The following BTN1A1 variants were observed in gnomAD, a reference collection of about 807,000 sequenced individuals.
BTN1A1 encodes bK14H9.2 (butyrophilin, subfamily 1, member A1).
In BTN1A1, 26 loss-of-function variants were observed where a neutral mutation model predicts 33.1. That is an observed-to-expected ratio of 0.79 (90% CI 0.58 to 1.09). The LOEUF is 1.09. Ranked by LOEUF, BTN1A1 falls within the 50% of genes least tolerant of loss-of-function variation. BTN1A1 has a pLI of 0.00. For synonymous variants in BTN1A1, 235 were observed against 256.2 expected (o/e 0.92, Z 0.79); for missense variants, 558 against 655.7 (o/e 0.85, Z 1.63).
chr6:26,509,261 C>T lies in BTN1A1; in HGVS notation c.*87C>T. Reference sequence around the variant, plus strand: ...GCTTCACCTGCTAGCTTTACCCAGTCTGTTTCTTCCTGTTGGGTGGCAATT... The same window carrying T: ...GCTTCACCTGCTAGCTTTACCCAGTTTGTTTCTTCCTGTTGGGTGGCAATT... On this transcript the variant is annotated 3_prime_UTR_variant, in exon 8 of 8. Coordinates refer to ENST00000684113, the MANE Select transcript of BTN1A1 (RefSeq NM_001732.3). 8.2e-7 allele frequency: 1 copy of T among 1,222,530 alleles called. No individual in the cohort carries two copies. Among genetic ancestry groups the T allele is most frequent in the South Asian group, 1.5e-5 (1 of 68,392 alleles). 75.7% of individuals were successfully genotyped at this position (1,222,530 alleles called of 1,614,324 possible).
chr6:26,504,125 A>T (rs1374902582), intron 3 of BTN1A1, among the ~76,000 whole-genome samples: 1 of 152,206 alleles, frequency 6.6e-6, no homozygotes, highest in Non-Finnish European at 1.5e-5. Flanking sequence ...GGGAATATGA[A>T]GTTGAGACCA....
chr6:26,507,989 T>G lies in BTN1A1; in HGVS notation c.880+19T>G. 6.2e-7 allele frequency: 1 copy of G among 1,613,980 alleles called. No individual in the cohort carries two copies. The highest frequency in any genetic ancestry group is 8.5e-7 in the Non-Finnish European group (1 of 1,179,928). ...GAACTCAGTAAGTTCTGTCTTCTTG[T>G]TATTTCACCCACAGAGTTTTCTCTC... On this transcript the variant is annotated intron_variant, in intron 6 of 7. Coordinates refer to ENST00000684113, the MANE Select transcript of BTN1A1 (RefSeq NM_001732.3).
At chr6:26,506,451 C>T (rs1763871061) in intron 4 of BTN1A1, among the ~76,000 whole-genome samples, 2 of 152,122 alleles carry the variant, frequency 1.3e-5, no homozygotes, top group Non-Finnish European at 2.9e-5. Flanking sequence ...TATTATTTCA[C>T]AGGTCCTGTC....
At position 26,501,181 on chromosome 6, in the gene BTN1A1, C is replaced by A. The variant is rs1763793075; in HGVS notation, c.-57-49C>A. On this transcript the variant is annotated intron_variant, in intron 1 of 7. Transcript: ENST00000684113. The surrounding 1 kb of genome is among the most constrained non-coding windows in gnomAD (Gnocchi z 5.2). ...GAACTGTAGAGAGGACTTTGGAAAG[C>A]GGAGGGTTGACAGAGCCGGTAGTTG... 3 of 948,574 alleles carry A rather than the reference C, an allele frequency of 3.2e-6. No homozygotes were observed. The highest frequency in any genetic ancestry group is 5.1e-6 in the Non-Finnish European group (3 of 586,210). The allele number at this position is 948,574 out of a possible 1,614,324, so 58.8% of individuals were successfully genotyped here. A position where few individuals can be genotyped will look rare whatever the true frequency, so the allele number is the denominator to read the frequency against.
intron 5 of BTN1A1, 90 bp downstream of exon 5, chr6:26,506,922 G>A: frequency 1.4e-6 from 2 of 1,476,750 alleles, no homozygotes; most frequent in Non-Finnish European, 1.9e-6. Context: ...ATTTTAGGAT[G>A]ACAGGAAGAT....
chr6:26,501,508 T>A lies in BTN1A1; in HGVS notation c.80-82T>A. The A allele has an allele frequency of 6.3e-7, 1 of 1,590,180 alleles. No individual in the cohort carries two copies. The highest frequency in any genetic ancestry group is 1.7e-5 in the Admixed American group (1 of 58,842). On this transcript the variant is annotated intron_variant, in intron 2 of 7. Coordinates refer to ENST00000684113, the MANE Select transcript of BTN1A1 (RefSeq NM_001732.3). The surrounding 1 kb of genome is among the most constrained non-coding windows in gnomAD (Gnocchi z 5.2). ...AAAGGAGTAAGAGAGCGCGGGGCACTGCGCTTTGGCGGGAATCTGGTCGGT... is the reference window on the plus strand; with the variant it reads ...AAAGGAGTAAGAGAGCGCGGGGCACAGCGCTTTGGCGGGAATCTGGTCGGT...
rs764761095 is a variant in BTN1A1 at position 26,508,845 on chromosome 6, C to G, written c.1252C>G (p.Pro418Ala). ...PLRTPLPLAG[P>A]PRRVGIFLDY... The stretch of plus-strand genomic sequence containing the variant: ...CCGGACCCCTCTCCCATTGGCAGGG[C>G]CCCCACGCCGGGTTGGGATTTTCCT... The change falls in exon 8 of 8, where the codon CCC (proline) becomes GCC (alanine). Residue 418 changes from proline (P) to alanine (A), a missense_variant. By Grantham distance (27) the Pro-to-Ala change is conservative. Coordinates refer to ENST00000684113, the MANE Select transcript of BTN1A1 (RefSeq NM_001732.3). The G allele has an allele frequency of 6.2e-7, 1 of 1,614,018 alleles. No homozygotes were observed. Among genetic ancestry groups the G allele is most frequent in the African/African-American group, 1.3e-5 (1 of 74,910 alleles).
intron 3 of BTN1A1, 65 bp downstream of exon 3, chr6:26,502,002 G>A (rs1461739141): frequency 1.5e-5 from 22 of 1,486,528 alleles, no homozygotes; most frequent in Non-Finnish European, 2.0e-5. Flanking sequence ...GTATGGATCA[G>A]TTACTTTGGA....
At chr6:26,507,019 G>A (rs1327958846) in intron 5 of BTN1A1, among the ~76,000 whole-genome samples, 187 bp downstream of exon 5, 3 of 152,124 alleles carry the variant, frequency 2.0e-5, no homozygotes, top group African/African-American at 4.8e-5. Flanking sequence ...TCAGGAGTTC[G>A]AGATCAGCCC....
At chr6:26,500,524 T>C (rs573571568) in intron 1 of BTN1A1, among the ~76,000 whole-genome samples, 166 bp downstream of exon 1, 3 of 152,308 alleles carry the variant, frequency 2.0e-5, no homozygotes, top group Admixed American at 6.5e-5. Flanking sequence ...CTCCCATCTT[T>C]TCTCTCTTCT....
Position 26,507,236 on chromosome 6 carries a change from T to C in BTN1A1, c.859+404T>C, listed in dbSNP as rs192007578. Among the ~76,000 whole-genome samples the C allele has an allele frequency of 4.1e-3, 627 of 152,134 alleles. 2 individuals carry two copies. Among genetic ancestry groups the C allele is most frequent in the Non-Finnish European group, 6.9e-3 (466 of 67,992 alleles). ...ACTCCGTCTCAAAAAAAGTAGAAGA[T>C]ACTTGATTCTAGAATTCTGAAAATT... On this transcript the variant is annotated intron_variant, in intron 5 of 7. Coordinates refer to ENST00000684113, the MANE Select transcript of BTN1A1 (RefSeq NM_001732.3).
chr6:26,504,925 C>G lies in BTN1A1; in HGVS notation c.428C>G (p.Ala143Gly). 1 of 1,613,900 alleles carries G rather than the reference C, an allele frequency of 6.2e-7. No individual in the cohort carries two copies. The highest frequency in any genetic ancestry group is 8.5e-7 in the Non-Finnish European group (1 of 1,179,846). ...EEALVHLKVA[A>G]LGSDPHISMQ... ...TTAAGTCCAGATTCTCTCTCCATAG[C>G]TCTGGGCTCTGACCCTCACATCAGT... The change falls in exon 4 of 8, where the codon GCT becomes GGT. Residue 143 changes from alanine to glycine, a missense_variant and splice_region_variant. Transcript: ENST00000684113.
chr6:26,501,525 C>G lies in BTN1A1; in HGVS notation c.80-65C>G, dbSNP rs1763797846. On this transcript the variant is annotated intron_variant, in intron 2 of 7. Coordinates refer to ENST00000684113, the MANE Select transcript of BTN1A1 (RefSeq NM_001732.3). The surrounding 1 kb of genome is among the most constrained non-coding windows in gnomAD (Gnocchi z 5.2). ...CGGGGCACTGCGCTTTGGCGGGAAT[C>G]TGGTCGGTGTCTGTCCGTAGTTCCC... 1.3e-6 allele frequency: 2 copies of G among 1,598,250 alleles called. No homozygotes were observed. Among genetic ancestry groups the G allele is most frequent in the African/African-American group, 2.7e-5 (2 of 74,660 alleles).
chr6:26,507,458 C>G (rs576701357), intron 5 of BTN1A1, among the ~76,000 whole-genome samples: 5 of 152,096 alleles, frequency 3.3e-5, no homozygotes, highest in Non-Finnish European at 7.4e-5. Flanking sequence ...CGCAGTGGCT[C>G]ATGCCCGTAG....
chr6:26,501,967 C>G lies in BTN1A1; in HGVS notation c.427+30C>G. 6 of 1,530,394 alleles carry G rather than the reference C, an allele frequency of 3.9e-6. No homozygotes were observed. The highest frequency in any genetic ancestry group is 5.3e-6 in the Non-Finnish European group (6 of 1,139,316). The allele number at this position is 1,530,394 out of a possible 1,614,324, so 94.8% of individuals were successfully genotyped here. ...GTAGACGGGTTTTGACTTTCTCCGA[C>G]GACTCCCCTGCTGTATACACTTTCG... On this transcript the variant is annotated intron_variant, in intron 3 of 7. Coordinates refer to ENST00000684113, the MANE Select transcript of BTN1A1 (RefSeq NM_001732.3). This position sits in a 1 kb window ranked among gnomAD's most constrained non-coding sequence, Gnocchi z 5.2.
chr6:26,504,713 C>T (rs1739151501), intron 3 of BTN1A1, among the ~76,000 whole-genome samples: 1 of 152,086 alleles, frequency 6.6e-6, no homozygotes, highest in Non-Finnish European at 1.5e-5. Flanking sequence ...AGTAATCCTG[C>T]CTCAGCCTCC....
chr6:26,503,719 T>C (rs1763832785), intron 3 of BTN1A1, among the ~76,000 whole-genome samples: 1 of 151,234 alleles, frequency 6.6e-6, no homozygotes, highest in Non-Finnish European at 1.5e-5. Flanking sequence ...AATACTTGGG[T>C]GAAATGTGGG....
chr6:26,508,109 T>C (rs1224224523), intron 7 of BTN1A1, 22 bp downstream of exon 7: 4 of 1,598,848 alleles, frequency 2.5e-6, no homozygotes, highest in Admixed American at 1.8e-5. Flanking sequence ...TGAACTTCTC[T>C]AGGGCTCTGA....
Position 26,505,218 on chromosome 6 carries a change from C to G in BTN1A1, c.709+12C>G, listed in dbSNP as rs1763854624. 2.5e-6 allele frequency: 4 copies of G among 1,608,738 alleles called. No homozygotes were observed. Among genetic ancestry groups the G allele is most frequent in the Non-Finnish European group, 3.4e-6 (4 of 1,176,042 alleles). ...AATATCCATACCAGGTTAGTGGAAC[C>G]AATGCTGCTGGATTCCTATGTTGAC... On this transcript the variant is annotated intron_variant, in intron 4 of 7. Transcript: ENST00000684113.
Sources: allele counts gnomAD v4.1 joint callset (sites outside exome capture counted in the v4.1 genomes callset), GRCh38; gene constraint gnomAD v4.1.1; non-coding constraint Gnocchi (gnomAD v3.1); transcripts MANE v1.5; gene names NCBI Gene and HGNC (gene_info 2026-07-23, HGNC 2026-07-21).